Variants in ZBTB20 observed in about 807,000 individuals in gnomAD.
ZBTB20 encodes the protein zinc finger and BTB domain-containing protein 20.
ZBTB20 carries 9 observed loss-of-function variants against 56.9 expected under a neutral mutation model. The ratio of observed to expected loss-of-function variants is 0.16; its 90% CI spans 0.10 to 0.28. The LOEUF (loss-of-function observed/expected upper bound fraction) is 0.28. Among genes scored for constraint, ZBTB20 ranks in the 10% least tolerant of loss-of-function variants. The pLI is 1.00. For missense variants in ZBTB20, 655 were observed against 1,003.0 expected, an observed-to-expected ratio of 0.65 and a Z score of 4.69; for synonymous variants, 417 against 420.7, an observed-to-expected ratio of 0.99 and a Z score of 0.11.
Position 114,925,743 on chromosome 3 carries a change from A to G in ZBTB20, c.-455-25401T>C, listed in dbSNP as rs191683516. Among the ~76,000 whole-genome samples the G allele has an allele frequency of 7.7e-3, 1,176 of 151,994 alleles. 20 individuals are homozygous for G. The highest frequency in any genetic ancestry group is 9.8e-3 in the South Asian group (47 of 4,804). The stretch of plus-strand genomic sequence containing the variant: ...GGGTTTCACCATGTTAGCCAGGATG[A>G]TCTCAATCTCCCGACCTCGTGATCT... On this transcript the variant is annotated intron_variant, in intron 3 of 11. Transcript: ENST00000675478.
intron 7 of ZBTB20, among the ~76,000 whole-genome samples, chr3:114,437,763 T>C (rs2090613587): frequency 6.6e-6 from 1 of 152,080 alleles, no homozygotes; most frequent in South Asian, 2.1e-4. Context: ...CATGGGTGCT[T>C]GAAAACAGGT....
At chr3:114,889,408 G>T (rs2076724142) in intron 4 of ZBTB20, among the ~76,000 whole-genome samples, 1 of 151,878 alleles carries the variant, frequency 6.6e-6, no homozygotes, top group Non-Finnish European at 1.5e-5. Flanking sequence ...GGAACAAAAG[G>T]TTCTTACAAC....
chr3:114,659,977 ATAT>A (rs2108067519), intron 6 of ZBTB20, among the ~76,000 whole-genome samples: 1 of 152,080 alleles, frequency 6.6e-6, no homozygotes, highest in Admixed American at 6.5e-5. Flanking sequence ...TTCTTATTTA[ATAT>A]TATTATTAAA....
chr3:114,385,181 A>G (rs554646494), intron 8 of ZBTB20, among the ~76,000 whole-genome samples: 2 of 152,210 alleles, frequency 1.3e-5, no homozygotes, highest in Admixed American at 1.3e-4. Flanking sequence ...TTGGCTCATG[A>G]TAATTTAGAC....
At chr3:114,460,340 TTACC>T (rs2092273398) in intron 7 of ZBTB20, among the ~76,000 whole-genome samples, 1 of 152,114 alleles carries the variant, frequency 6.6e-6, no homozygotes, top group African/African-American at 2.4e-5. Context: ...CCTTTGAATG[TTACC>T]TTACGTGGCA....
At chr3:114,650,274 A>G (rs2060062720) in intron 6 of ZBTB20, among the ~76,000 whole-genome samples, 1 of 151,952 alleles carries the variant, frequency 6.6e-6, no homozygotes, top group Non-Finnish European at 1.5e-5. Context: ...CTGAAAGACC[A>G]TTGAAAAGTA....
intron 7 of ZBTB20, among the ~76,000 whole-genome samples, chr3:114,466,013 CAT>C (rs141804127): frequency 5.3e-5 from 8 of 149,554 alleles, no homozygotes; most frequent in Admixed American, 6.7e-5. Flanking sequence ...ATGTTTTAAG[CAT>C]ATATATATAT....
intron 9 of ZBTB20, 61 bp from the exon 10 acceptor site, chr3:114,380,465 T>A: frequency 2.1e-6 from 3 of 1,451,400 alleles, no homozygotes; most frequent in Non-Finnish European, 2.7e-6. Context: ...AAGGCATTTT[T>A]AGAATCTGTT....
At chr3:114,415,523 G>A (rs140993251) in intron 7 of ZBTB20, among the ~76,000 whole-genome samples, 2 of 152,122 alleles carry the variant, frequency 1.3e-5, no homozygotes, top group Admixed American at 1.3e-4. Context: ...TTGTTTGGCT[G>A]GCTTACTCGG....
rs556126425 is a variant in ZBTB20, at chr3:115,073,212, T to C, written c.-702-1798A>G. Among the ~76,000 whole-genome samples, 14 of 152,300 alleles carry C rather than the reference T, an allele frequency of 9.2e-5. No homozygotes were observed. In the East Asian group the frequency reaches 1.3e-3, roughly 15 times the overall value. On this transcript the variant is annotated intron_variant, in intron 1 of 11. Coordinates refer to ENST00000675478, the MANE Select transcript of ZBTB20 (RefSeq NM_001348800.3). ...GAACACAGTTTAAGAAAAGCATTGC[T>C]TCCTCAAAAGATTATGTCAAAGTGA... is the stretch of plus-strand genomic sequence containing the variant.
chr3:114,577,460 A>G (rs928675030), intron 6 of ZBTB20, among the ~76,000 whole-genome samples: 3 of 152,192 alleles, frequency 2.0e-5, no homozygotes, highest in Admixed American at 2.0e-4. Context: ...TACCTTAAAA[A>G]TTCCGTGAAA....
chr3:114,832,238 C>G (rs2073887447), intron 4 of ZBTB20, among the ~76,000 whole-genome samples: 1 of 152,026 alleles, frequency 6.6e-6, no homozygotes, highest in Non-Finnish European at 1.5e-5. Flanking sequence ...TGGATAAACT[C>G]AAATTCAGGT....
chr3:114,797,651 C>T (rs2071419149), intron 5 of ZBTB20, among the ~76,000 whole-genome samples: 1 of 151,836 alleles, frequency 6.6e-6, no homozygotes, highest in African/African-American at 2.4e-5. Context: ...AACATTAATT[C>T]ATTATTATAA....
intron 5 of ZBTB20, among the ~76,000 whole-genome samples, chr3:114,781,316 T>C (rs538059630): frequency 3.9e-5 from 6 of 152,184 alleles, no homozygotes; most frequent in Non-Finnish European, 8.8e-5. Flanking sequence ...TAAATTTACA[T>C]ATAAATCTTT....
intron 5 of ZBTB20, among the ~76,000 whole-genome samples, chr3:114,713,091 C>CT (rs1476189143): frequency 6.6e-6 from 1 of 152,092 alleles, no homozygotes; most frequent in Non-Finnish European, 1.5e-5. Context: ...ACTAGTATAC[C>CT]ATATGAAGTG....
chr3:114,837,902 C>A (rs1414920746), intron 4 of ZBTB20, among the ~76,000 whole-genome samples: 1 of 151,992 alleles, frequency 6.6e-6, no homozygotes, highest in Non-Finnish European at 1.5e-5. Flanking sequence ...TTTCAGTAAA[C>A]AAATTAATTT....
intron 4 of ZBTB20, chr3:114,876,418 C>G (rs1483971170): frequency 6.6e-6 from 1 of 151,964 alleles, no homozygotes; most frequent in Admixed American, 6.6e-5. Flanking sequence ...CCACTACACT[C>G]CTGTCTGGGC....
At chr3:114,439,892 C>A (rs2090794327) in intron 7 of ZBTB20, among the ~76,000 whole-genome samples, 1 of 152,160 alleles carries the variant, frequency 6.6e-6, no homozygotes, top group African/African-American at 2.4e-5. Context: ...TATCTATTGG[C>A]AAAGCTAATC....
chr3:114,776,884 G>T (rs932242501), intron 5 of ZBTB20, among the ~76,000 whole-genome samples: 1 of 152,158 alleles, frequency 6.6e-6, no homozygotes, highest in Non-Finnish European at 1.5e-5. Context: ...AGATTAAACA[G>T]ATTATGAATG....
Sources: allele counts gnomAD v4.1 joint callset (sites outside exome capture counted in the v4.1 genomes callset), GRCh38; gene constraint gnomAD v4.1.1; transcripts MANE v1.5; gene names NCBI Gene and HGNC (gene_info 2026-07-23, HGNC 2026-07-21).